ZNF804A: variants seen among roughly 807,000 people sequenced by gnomAD.
ZNF804A encodes zinc finger protein 804A.
A neutral mutation model predicts 16.5 loss-of-function variants in ZNF804A; 2 were observed. That is an observed-to-expected ratio of 0.12 (90% confidence interval 0.05 to 0.38). ZNF804A has a LOEUF of 0.38. Among genes scored for constraint, ZNF804A ranks in the 10% least tolerant of loss-of-function variants. The pLI is 0.99. For synonymous variants in ZNF804A, 534 were observed against 489.6 expected, an observed-to-expected ratio of 1.09 and a Z score of -1.20; for missense variants, 1,473 against 1,390.7, an observed-to-expected ratio of 1.06 and a Z score of -0.94.
At chr2:184,709,049 G>A (rs184283321) in intron 1 of ZNF804A, among the ~76,000 whole-genome samples, 19 of 152,140 alleles carry the variant, frequency 1.2e-4, no homozygotes, top group African/African-American at 4.1e-4. Context: ...AAATCCAAAC[G>A]CCTCTGCAGT....
intron 1 of ZNF804A, among the ~76,000 whole-genome samples, chr2:184,626,877 C>T (rs554972425): frequency 6.6e-6 from 1 of 152,238 alleles, no homozygotes; most frequent in African/African-American, 2.4e-5. Context: ...GCAGAGAAGA[C>T]ATTCAAACCA....
intron 1 of ZNF804A, among the ~76,000 whole-genome samples, chr2:184,748,827 A>G (rs1205159722): frequency 6.6e-6 from 1 of 151,568 alleles, no homozygotes; most frequent in East Asian, 1.9e-4. Context: ...TTTTAGCACC[A>G]TTGATTGAAT....
chr2:184,914,948 T>G (rs1685421524), intron 2 of ZNF804A, among the ~76,000 whole-genome samples: 1 of 151,672 alleles, frequency 6.6e-6, no homozygotes, highest in Non-Finnish European at 1.5e-5. Flanking sequence ...TTCAATGAAT[T>G]GGGATTATTT....
chr2:184,760,017 G>A (rs1362473268), intron 1 of ZNF804A, among the ~76,000 whole-genome samples: 2 of 152,056 alleles, frequency 1.3e-5, no homozygotes, highest in African/African-American at 2.4e-5. Context: ...ACGTGAACTC[G>A]CTGAGTCCGC....
At chr2:184,826,419 C>G (rs1239498518) in intron 1 of ZNF804A, among the ~76,000 whole-genome samples, 1 of 151,980 alleles carries the variant, frequency 6.6e-6, no homozygotes, top group African/African-American at 2.4e-5. Context: ...GGAATTTATT[C>G]TCTTAGGAGG....
At chr2:184,745,568 A>G (rs1370117388) in intron 1 of ZNF804A, among the ~76,000 whole-genome samples, 1 of 151,716 alleles carries the variant, frequency 6.6e-6, no homozygotes, top group Non-Finnish European at 1.5e-5. Context: ...ACAAAAGCCT[A>G]AAGTCCTATT....
At chr2:184,655,862 T>G (rs1692067355) in intron 1 of ZNF804A, among the ~76,000 whole-genome samples, 1 of 152,076 alleles carries the variant, frequency 6.6e-6, no homozygotes, top group South Asian at 2.1e-4. Flanking sequence ...ATGGCAACCA[T>G]TGGTCTATGG....
At chr2:184,766,357 C>G (rs115689932) in intron 1 of ZNF804A, among the ~76,000 whole-genome samples, 1 of 151,936 alleles carries the variant, frequency 6.6e-6, no homozygotes, top group Non-Finnish European at 1.5e-5. Flanking sequence ...ACATAAATAA[C>G]AATTCTTTAT....
At chr2:184,615,964 C>T (rs189510929) in intron 1 of ZNF804A, among the ~76,000 whole-genome samples, 1 of 152,274 alleles carries the variant, frequency 6.6e-6, no homozygotes, top group Non-Finnish European at 1.5e-5. Flanking sequence ...AGTGACAGAA[C>T]TTGGCCCAAG....
intron 1 of ZNF804A, among the ~76,000 whole-genome samples, chr2:184,711,449 T>G (rs2105736881): frequency 6.6e-6 from 1 of 151,932 alleles, no homozygotes; most frequent in South Asian, 2.1e-4. Flanking sequence ...TCTCCCATAC[T>G]GTATGTTGCC....
chr2:184,700,750 T>A (rs1692906811), intron 1 of ZNF804A, among the ~76,000 whole-genome samples: 1 of 152,046 alleles, frequency 6.6e-6, no homozygotes, highest in African/African-American at 2.4e-5. Context: ...ATAGAGGCCA[T>A]TGTTATCTAA....
chr2:184,706,369 AT>A (rs906647829), intron 1 of ZNF804A, among the ~76,000 whole-genome samples: 3 of 152,132 alleles, frequency 2.0e-5, no homozygotes, highest in Admixed American at 6.6e-5. Flanking sequence ...CTGTTAAGTA[AT>A]TTTTGGGAAC....
At chr2:184,779,032 T>C (rs1398452242) in intron 1 of ZNF804A, among the ~76,000 whole-genome samples, 1 of 151,782 alleles carries the variant, frequency 6.6e-6, no homozygotes, top group Non-Finnish European at 1.5e-5. Flanking sequence ...AAATTTCTAA[T>C]TCAACATCCA....
chr2:184,896,109 A>G (rs1685061219), intron 2 of ZNF804A, among the ~76,000 whole-genome samples: 1 of 152,064 alleles, frequency 6.6e-6, no homozygotes, highest in Non-Finnish European at 1.5e-5. Flanking sequence ...AATGTTTGAA[A>G]TAATAAACAT....
chr2:184,673,784 T>C (rs1157628871), intron 1 of ZNF804A, among the ~76,000 whole-genome samples: 1 of 152,156 alleles, frequency 6.6e-6, no homozygotes, highest in Non-Finnish European at 1.5e-5. Flanking sequence ...CCACAATTTG[T>C]AGGAAAATAA....
At chr2:184,679,911 C>T (rs1692508980) in intron 1 of ZNF804A, among the ~76,000 whole-genome samples, 1 of 152,150 alleles carries the variant, frequency 6.6e-6, no homozygotes, top group South Asian at 2.1e-4. Context: ...TGAAACCCCA[C>T]CTCTAGGCCA....
chr2:184,747,784 G>A (rs1193106674), intron 1 of ZNF804A, among the ~76,000 whole-genome samples: 1 of 150,922 alleles, frequency 6.6e-6, no homozygotes, highest in Non-Finnish European at 1.5e-5. Context: ...CCAATAGGTA[G>A]TTTCTCTGTG....
intron 2 of ZNF804A, among the ~76,000 whole-genome samples, chr2:184,867,185 T>G (rs1055111040): frequency 6.6e-6 from 1 of 152,086 alleles, no homozygotes; most frequent in Admixed American, 6.6e-5. Context: ...ATAAATGTAA[T>G]TAATACAAAT....
intron 1 of ZNF804A, among the ~76,000 whole-genome samples, chr2:184,836,223 A>G (rs1474759776): frequency 6.6e-6 from 1 of 152,120 alleles, no homozygotes; most frequent in East Asian, 1.9e-4. Context: ...GGAAAGAGAA[A>G]AAGGATAGAT....
Sources: allele counts gnomAD v4.1 joint callset (sites outside exome capture counted in the v4.1 genomes callset), GRCh38; gene constraint gnomAD v4.1.1; transcripts MANE v1.5; gene names NCBI Gene and HGNC (gene_info 2026-07-23, HGNC 2026-07-21).